The following FAM149A variants were observed in gnomAD, a reference collection of about 807,000 sequenced individuals.
FAM149A encodes the protein family with sequence similarity 149 member A, also known as protein FAM149A.
Under a neutral mutation model 78.2 loss-of-function variants are expected in FAM149A, and 71 were observed. The ratio of observed to expected loss-of-function variants is 0.91; its 90% confidence interval spans 0.75 to 1.11. FAM149A has a LOEUF of 1.11. FAM149A is among the 50% of genes least tolerant of loss of function. The pLI is 0.00. For synonymous variants in FAM149A, 446 were observed against 410.5 expected (o/e 1.09, Z -1.04); for missense variants, 1,036 against 971.0 (o/e 1.07, Z -0.89).
intron 7 of FAM149A, among the ~76,000 whole-genome samples, chr4:186,157,303 A>G (rs1159021786): frequency 6.6e-6 from 1 of 152,162 alleles, no homozygotes; most frequent in Non-Finnish European, 1.5e-5. Flanking sequence ...TTTTTCCAGT[A>G]TTTAAGGAAT....
At position 186,153,637 on chromosome 4, in the gene FAM149A, C is replaced by A; in HGVS notation, c.933-8C>A. 6.2e-7 allele frequency: 1 copy of A among 1,606,716 alleles called. No individual in the cohort carries two copies. The highest frequency in any genetic ancestry group is 8.5e-7 in the Non-Finnish European group (1 of 1,174,226). On this transcript the variant is annotated splice_region_variant and splice_polypyrimidine_tract_variant and intron_variant, in intron 4 of 13. Transcript: ENST00000389354. ...AAAAATGTCAGTAGCTTCTCTTTGA[C>A]CTCGCAGAGTATTAGGAAGACAGCT...
intron 1 of FAM149A, chr4:186,123,820 G>C: frequency 1.9e-5 from 19 of 983,744 alleles, no homozygotes; most frequent in Non-Finnish European, 2.3e-5. Context: ...GACCCTTCAC[G>C]GTCCTTGATA....
intron 1 of FAM149A, chr4:186,133,131 T>G: frequency 1.0e-6 from 1 of 985,408 alleles, no homozygotes; most frequent in Non-Finnish European, 1.2e-6. Context: ...ATGTATTGTC[T>G]CGACTTCTTT....
chr4:186,171,502 A>C (rs1735527361), intron 13 of FAM149A, among the ~76,000 whole-genome samples: 1 of 151,944 alleles, frequency 6.6e-6, no homozygotes, highest in Admixed American at 6.6e-5. Flanking sequence ...AACTTTTATT[A>C]TTTCTGTGAT....
chr4:186,151,023 G>C, intron 3 of FAM149A: 2 of 985,370 alleles, frequency 2.0e-6, no homozygotes, highest in Non-Finnish European at 2.4e-6. Flanking sequence ...TTCTTTAAAA[G>C]TGGTTCCCCA....
intron 1 of FAM149A, among the ~76,000 whole-genome samples, chr4:186,136,179 T>C (rs2099322598): frequency 1.3e-5 from 2 of 152,242 alleles, no homozygotes; most frequent in African/African-American, 4.8e-5. Flanking sequence ...TTTGGCCTTA[T>C]TGATGTTGCA....
Position 186,110,128 on chromosome 4 carries a change from G to A in FAM149A, c.566+4486G>A, listed in dbSNP as rs1168715140. The A allele has an allele frequency of 4.1e-6, 4 of 985,266 alleles. No individual in the cohort carries two copies. In the African/African-American group the frequency reaches 5.2e-5, roughly 13 times the overall value. 61.0% of individuals were successfully genotyped at this position (985,266 alleles called of 1,614,324 possible). A position where few individuals can be genotyped will look rare whatever the true frequency, so the allele number is the denominator to read the frequency against. On this transcript the variant is annotated intron_variant, in intron 1 of 13. Coordinates refer to ENST00000389354, the MANE Select transcript of FAM149A (RefSeq NM_001367768.3). The stretch of plus-strand genomic sequence containing the variant: ...TCCTGTGACACTTAAGGGAACACAT[G>A]CCCATAAAAGACATTTAGCAAATAT...
rs1000736356 is a variant in FAM149A at position 186,162,909 on chromosome 4, C to G, written c.1640C>G (p.Pro547Arg). The change falls in exon 9 of 14, where the codon CCG becomes CGG. Residue 547 changes from proline (P) to arginine (R), a missense_variant. Pro to Arg is a moderately radical substitution (Grantham distance 103). Coordinates refer to ENST00000389354, the MANE Select transcript of FAM149A (RefSeq NM_001367768.3). ...GGTGTCATGACAATTCAAGCAAAAC[C>G]GCTTCAGCGGAGACCTGCCTATTTT... The G allele has an allele frequency of 1.1e-5, 17 of 1,610,542 alleles. No individual in the cohort carries two copies. Among genetic ancestry groups the G allele is most frequent in the Non-Finnish European group, 1.4e-5 (17 of 1,178,556 alleles).
chr4:186,131,780 C>T lies in FAM149A; in HGVS notation c.567-17393C>T, dbSNP rs78805212. The T allele has an allele frequency of 1.1e-3, 487 of 452,148 alleles. 2 individuals carry two copies. The highest frequency in any genetic ancestry group is 9.9e-3 in the African/African-American group (464 of 46,952). The allele number at this position is 452,148 out of a possible 1,614,324, so 28.0% of individuals were successfully genotyped here. On this transcript the variant is annotated intron_variant, in intron 1 of 13. Coordinates refer to ENST00000389354, the MANE Select transcript of FAM149A (RefSeq NM_001367768.3). The stretch of plus-strand genomic sequence containing the variant: ...TGCCGATTTTCATGCATCTCATCCT[C>T]GAGGATAGGTAAGGACCTCTGCTAA...
chr4:186,160,013 C>T (rs146694982), intron 8 of FAM149A, among the ~76,000 whole-genome samples: 3 of 142,186 alleles, frequency 2.1e-5, no homozygotes, highest in South Asian at 2.3e-4. Flanking sequence ...CCCCACACAC[C>T]CCCCACACAA....
chr4:186,140,592 A>G (rs2099325401), intron 1 of FAM149A, among the ~76,000 whole-genome samples: 2 of 151,878 alleles, frequency 1.3e-5, no homozygotes, highest in Admixed American at 1.3e-4. Context: ...ATTTTATCCT[A>G]ATGAATTCGC....
In FAM149A at chr4:186,164,965, G is replaced by A. The variant is rs1310400451; in HGVS notation, c.1890-379G>A. Among the ~76,000 whole-genome samples, 2 of 152,010 alleles carry A rather than the reference G, an allele frequency of 1.3e-5. No individual in the cohort carries two copies. The highest frequency in any genetic ancestry group is 2.9e-5 in the Non-Finnish European group (2 of 68,018). On this transcript the variant is annotated intron_variant, in intron 10 of 13. Transcript: ENST00000389354. The surrounding 1 kb of genome is among the most constrained non-coding windows in gnomAD (Gnocchi z 4.0). Reference sequence around the variant, plus strand: ...GTGCATAGCTGTGCTCTACACATACGAGGGAAGCTGTGGCTTCAGAGGGGC... The same window carrying A: ...GTGCATAGCTGTGCTCTACACATACAAGGGAAGCTGTGGCTTCAGAGGGGC...
chr4:186,164,451 G>A lies in FAM149A; in HGVS notation c.1889+818G>A, dbSNP rs533499783. ...GTTATCAGGAGCCGAGCTCAGGAGC[G>A]GGCGGCTGCCAACGCTTACCTGGCA... On this transcript the variant is annotated intron_variant, in intron 10 of 13. Coordinates refer to ENST00000389354, the MANE Select transcript of FAM149A (RefSeq NM_001367768.3). The surrounding 1 kb of genome is among the most constrained non-coding windows in gnomAD (Gnocchi z 4.0). The A allele has an allele frequency of 2.1e-5, 21 of 985,244 alleles. No individual in the cohort carries two copies. Among genetic ancestry groups the A allele is most frequent in the African/African-American group, 1.6e-4 (9 of 57,210 alleles). The allele number at this position is 985,244 out of a possible 1,614,324, so 61.0% of individuals were successfully genotyped here. A position where few individuals can be genotyped will look rare whatever the true frequency, so the allele number is the denominator to read the frequency against.
chr4:186,140,045 T>C (rs1484864908), intron 1 of FAM149A, among the ~76,000 whole-genome samples: 2 of 152,232 alleles, frequency 1.3e-5, no homozygotes, highest in African/African-American at 4.8e-5. Context: ...ATTATGTATC[T>C]ATATGCAGTT....
At chr4:186,158,673 A>G in intron 8 of FAM149A, 1 of 1,091,792 alleles carries the variant, frequency 9.2e-7, no homozygotes, top group Non-Finnish European at 1.1e-6. Context: ...CAGCCCCTGC[A>G]CGCACTGCTG....
rs1300674529 is a variant in FAM149A, at chr4:186,165,466, T to C, written c.2010+2T>C. On this transcript the variant is annotated splice_donor_variant, in intron 11 of 13. Transcript: ENST00000389354. LOFTEE classifies it high-confidence loss of function. ...GTTCCTGGATGCCGCCTTGTTTCTG[T>C]AAGACAGATTTCATTCTATTTCAGT... 1 of 1,614,044 alleles carries C rather than the reference T, an allele frequency of 6.2e-7. No homozygotes were observed. Among genetic ancestry groups the C allele is most frequent in the South Asian group, 1.1e-5 (1 of 91,062 alleles).
At chr4:186,154,321 T>G in intron 5 of FAM149A, 147 bp from the exon 6 acceptor site, 22 of 592,598 alleles carry the variant, frequency 3.7e-5, no homozygotes, top group Non-Finnish European at 3.6e-5. Context: ...TTTAAGGACG[T>G]GAGTTTTGTC....
intron 9 of FAM149A, 101 bp from the exon 10 acceptor site, chr4:186,163,323 G>A (rs1406635224): frequency 3.1e-5 from 27 of 867,936 alleles, no homozygotes; most frequent in Admixed American, 7.5e-5. Context: ...TATGTTCTAG[G>A]TGCCAGACTG....
intron 2 of FAM149A, 88 bp from the exon 3 acceptor site, chr4:186,149,478 G>C: frequency 8.3e-7 from 1 of 1,209,170 alleles, no homozygotes; most frequent in South Asian, 1.4e-5. Flanking sequence ...ATGAAAGAAA[G>C]AGGAAGCAGG....
Sources: gnomAD v4.1 joint callset for allele counts (sites outside exome capture counted in the v4.1 genomes callset) on GRCh38, gnomAD v4.1.1 for gene constraint, Gnocchi (gnomAD v3.1) non-coding constraint, MANE v1.5 for transcripts, NCBI Gene and HGNC (gene_info 2026-07-23, HGNC 2026-07-21) for gene names.